Variants in PHACTR1 observed in about 807,000 individuals in gnomAD.
The protein encoded by PHACTR1 is RPEL repeat containing 1.
In PHACTR1, 16 loss-of-function variants were observed where a neutral mutation model predicts 69.2. That is an observed-to-expected ratio of 0.23 (90% CI 0.16 to 0.35). PHACTR1 has a LOEUF of 0.35. PHACTR1 is among the 10% of genes least tolerant of loss of function. The pLI, the probability that PHACTR1 is intolerant of heterozygous loss-of-function variation, is 1.00. For missense variants in PHACTR1, 510 were observed against 734.7 expected (o/e 0.69, Z 3.54); for synonymous variants, 312 against 284.5 (o/e 1.10, Z -0.97).
chr6:12,768,109 C>CTTTTT (rs781107897), intron 4 of PHACTR1, among the ~76,000 whole-genome samples: 32 of 107,556 alleles, frequency 3.0e-4, no homozygotes, highest in Admixed American at 4.3e-4. Context: ...CTATCAAATC[C>CTTTTT]TTTTTTTTTT....
chr6:13,170,866 A>G (rs888416758), intron 6 of PHACTR1, among the ~76,000 whole-genome samples: 1 of 152,082 alleles, frequency 6.6e-6, no homozygotes. Flanking sequence ...TCCCAGGCCC[A>G]AGCCTGCTTG....
intron 4 of PHACTR1, among the ~76,000 whole-genome samples, chr6:12,753,956 A>C (rs1766934790): frequency 2.0e-5 from 2 of 101,730 alleles, no homozygotes; most frequent in African/African-American, 3.4e-5. Context: ...ATATATATAT[A>C]TATATATATA....
At chr6:12,966,633 A>G (rs1793534342) in intron 4 of PHACTR1, among the ~76,000 whole-genome samples, 1 of 152,056 alleles carries the variant, frequency 6.6e-6, no homozygotes, top group Non-Finnish European at 1.5e-5. Flanking sequence ...CTTTTCTCCC[A>G]CAGGAAGGTT....
chr6:13,149,880 A>G (rs543363916), intron 5 of PHACTR1, among the ~76,000 whole-genome samples: 3 of 146,656 alleles, frequency 2.0e-5, no homozygotes, highest in African/African-American at 7.6e-5. Context: ...AGTGTATTTT[A>G]TATGTGGCTC....
chr6:13,106,932 A>G (rs528629539), intron 5 of PHACTR1, among the ~76,000 whole-genome samples: 1 of 152,166 alleles, frequency 6.6e-6, no homozygotes, highest in South Asian at 2.1e-4. Context: ...TACTTTCTTT[A>G]TATATTACTG....
At chr6:13,047,036 C>G (rs141546670) in intron 4 of PHACTR1, among the ~76,000 whole-genome samples, 1 of 151,940 alleles carries the variant, frequency 6.6e-6, no homozygotes, top group African/African-American at 2.4e-5. Flanking sequence ...TAAAAGGGAC[C>G]TTTCTGAATG....
intron 10 of PHACTR1, among the ~76,000 whole-genome samples, chr6:13,265,849 G>A (rs1013092436): frequency 2.6e-5 from 4 of 151,982 alleles, no homozygotes; most frequent in African/African-American, 7.3e-5. Flanking sequence ...ACTGGAATTC[G>A]GCAAAGTTCC....
intron 4 of PHACTR1, among the ~76,000 whole-genome samples, chr6:12,801,506 A>T (rs1000691968): frequency 3.9e-5 from 6 of 152,242 alleles, no homozygotes; most frequent in Non-Finnish European, 8.8e-5. Flanking sequence ...GAATAAAAAT[A>T]AAAAAGAACA....
At chr6:12,957,364 A>T in intron 4 of PHACTR1, 1 of 984,932 alleles carries the variant, frequency 1.0e-6, no homozygotes, top group Non-Finnish European at 1.2e-6. Context: ...CTGAGTCAGA[A>T]GACTCCCAGA....
chr6:13,044,679 A>G (rs963817519), intron 4 of PHACTR1, among the ~76,000 whole-genome samples: 3 of 152,298 alleles, frequency 2.0e-5, no homozygotes, highest in African/African-American at 7.2e-5. Flanking sequence ...ACTCACCTCC[A>G]CCAGCAGCTA....
chr6:13,080,235 G>A (rs72820885), intron 5 of PHACTR1, among the ~76,000 whole-genome samples: 1,993 of 152,176 alleles, frequency 0.013, 28 homozygotes, highest in Admixed American at 0.019. Flanking sequence ...AGATTTGAAT[G>A]CATTTCTTTA....
intron 12 of PHACTR1, chr6:13,281,153 G>A (rs1260534722): frequency 6.2e-6 from 8 of 1,281,360 alleles, no homozygotes; most frequent in East Asian, 5.6e-5. Flanking sequence ...GTTCACTCCA[G>A]ACTCTGCCAT....
At chr6:12,720,230 CTA>C (rs1581402312) in intron 3 of PHACTR1, among the ~76,000 whole-genome samples, 2 of 152,304 alleles carry the variant, frequency 1.3e-5, no homozygotes, top group East Asian at 3.9e-4. Context: ...TCACACATTG[CTA>C]TGTGATTGGT....
chr6:13,229,940 A>G, intron 9 of PHACTR1, 97 bp from the exon 10 acceptor site: 3 of 1,370,962 alleles, frequency 2.2e-6, no homozygotes, highest in Non-Finnish European at 2.9e-6. Context: ...AACCTTGATG[A>G]CTTCCTTCCT....
At chr6:12,730,986 T>TTTTTTTTA (rs1554129536) in intron 3 of PHACTR1, among the ~76,000 whole-genome samples, 3 of 137,948 alleles carry the variant, frequency 2.2e-5, no homozygotes, top group East Asian at 2.1e-4. Context: ...ATATTACCTT[T>TTTTTTTTA]TTTATTTATT....
intron 4 of PHACTR1, among the ~76,000 whole-genome samples, chr6:12,805,772 T>C (rs1350146471): frequency 6.6e-6 from 1 of 152,102 alleles, no homozygotes; most frequent in Non-Finnish European, 1.5e-5. Context: ...AACTAATTTT[T>C]GTATTTTTAG....
intron 4 of PHACTR1, among the ~76,000 whole-genome samples, chr6:12,983,610 A>G (rs553631815): frequency 6.6e-6 from 1 of 152,092 alleles, no homozygotes; most frequent in African/African-American, 2.4e-5. Flanking sequence ...GGTTTGTTAC[A>G]TATGTATCCA....
chr6:13,086,891 G>T (rs541758886), intron 5 of PHACTR1, among the ~76,000 whole-genome samples: 4 of 152,142 alleles, frequency 2.6e-5, no homozygotes, highest in African/African-American at 9.6e-5. Context: ...TCAACAAGGT[G>T]ATAGAGTTTC....
intron 4 of PHACTR1, among the ~76,000 whole-genome samples, chr6:12,880,785 C>T (rs1449062563): frequency 2.0e-5 from 3 of 152,088 alleles, no homozygotes; most frequent in South Asian, 4.2e-4. Context: ...GTATGGAGGT[C>T]AGCATGAGAA....
Sources: allele counts gnomAD v4.1 joint callset (sites outside exome capture counted in the v4.1 genomes callset), GRCh38; gene constraint gnomAD v4.1.1; transcripts MANE v1.5; gene names NCBI Gene and HGNC (gene_info 2026-07-23, HGNC 2026-07-21).